Variants in CHD6 observed in about 807,000 individuals in gnomAD.
CHD6 encodes the protein chromodomain helicase DNA binding protein 6.
Under a neutral mutation model 276.9 loss-of-function variants are expected in CHD6, and 50 were observed. The observed-to-expected ratio is 0.18, with a 90% CI of 0.14 to 0.23. The LOEUF is 0.23. Ranked by LOEUF, CHD6 falls within the 10% of genes least tolerant of loss-of-function variation. The pLI, the probability that CHD6 is intolerant of heterozygous loss-of-function variation, is 1.00. For synonymous variants in CHD6, 1,173 were observed against 1,229.3 expected, an observed-to-expected ratio of 0.95 and a Z score of 0.96; for missense variants, 2,564 against 3,365.8, an observed-to-expected ratio of 0.76 and a Z score of 5.89.
intron 18 of CHD6, 122 bp from the exon 19 acceptor site, chr20:41,456,101 C>G: frequency 1.1e-6 from 1 of 912,176 alleles, no homozygotes; most frequent in Non-Finnish European, 1.6e-6. Context: ...GAACAAAGGA[C>G]GTGGGCAACA....
intron 24 of CHD6, among the ~76,000 whole-genome samples, chr20:41,446,750 T>G (rs2048081678): frequency 6.6e-6 from 1 of 152,170 alleles, no homozygotes; most frequent in East Asian, 1.9e-4. Flanking sequence ...TGAACTGCTG[T>G]TCATGCCTCA....
chr20:41,423,071 C>T (rs1477477137), intron 30 of CHD6, among the ~76,000 whole-genome samples: 4 of 152,192 alleles, frequency 2.6e-5, no homozygotes, highest in Admixed American at 6.5e-5. Flanking sequence ...ATTTAAATGA[C>T]AGCCACTTAC....
chr20:41,408,094 C>A (rs1361741783), intron 36 of CHD6, among the ~76,000 whole-genome samples: 1 of 152,076 alleles, frequency 6.6e-6, no homozygotes, highest in African/African-American at 2.4e-5. Flanking sequence ...AAACCCAGTT[C>A]ATCATAGACA....
chr20:41,598,765 T>C (rs1329288301), intron 1 of CHD6, among the ~76,000 whole-genome samples: 2 of 152,214 alleles, frequency 1.3e-5, no homozygotes, highest in African/African-American at 4.8e-5. Context: ...TAAGCCTTTC[T>C]AGGAGCTAAC....
chr20:41,574,885 T>C (rs1222307314), intron 1 of CHD6, among the ~76,000 whole-genome samples: 1 of 152,098 alleles, frequency 6.6e-6, no homozygotes, highest in Non-Finnish European at 1.5e-5. Context: ...ACCCCAACTT[T>C]CCATACAAAC....
intron 1 of CHD6, among the ~76,000 whole-genome samples, chr20:41,617,269 G>A (rs966531996): frequency 6.6e-6 from 1 of 152,006 alleles, no homozygotes; most frequent in Non-Finnish European, 1.5e-5. Flanking sequence ...ACCCTAATTT[G>A]GAGAACAGGG....
chr20:41,404,702 C>A lies in CHD6; in HGVS notation c.8039G>T (p.Ser2680Ile). 6.3e-7 allele frequency: 1 copy of A among 1,596,508 alleles called. No individual in the cohort carries two copies. The highest frequency in any genetic ancestry group is 8.5e-7 in the Non-Finnish European group (1 of 1,171,296). ...EPAPSCEREP[S>I]GDENCAEPSA... ...GGGTTCGGCACAGTTCTCATCACCG[C>A]TGGGCTCCCTTTCACAGCTGGGAGC... The change falls in exon 37 of 37, where the codon AGC (serine) becomes ATC (isoleucine). Residue 2680 changes from serine (S) to isoleucine (I), a missense_variant. This residue lies in a region of CHD6 where 238 missense variants were observed against 266.0 expected (regional missense o/e 0.89). Transcript: ENST00000373233.
chr20:41,479,075 T>C (rs1449860950), intron 16 of CHD6, among the ~76,000 whole-genome samples: 1 of 151,894 alleles, frequency 6.6e-6, no homozygotes, highest in Non-Finnish European at 1.5e-5. Context: ...AAATAAAGCA[T>C]AGAGTGTGCT....
chr20:41,558,218 T>A (rs948673193), intron 1 of CHD6, among the ~76,000 whole-genome samples: 6 of 152,146 alleles, frequency 3.9e-5, no homozygotes, highest in Non-Finnish European at 8.8e-5. Context: ...GTGTGAGCAG[T>A]CTACAGGAGG....
intron 5 of CHD6, among the ~76,000 whole-genome samples, chr20:41,509,421 G>T (rs1307612359): frequency 6.6e-6 from 1 of 152,116 alleles, no homozygotes; most frequent in Non-Finnish European, 1.5e-5. Context: ...GGTGTTCGAA[G>T]GACAATGACA....
chr20:41,607,277 T>C (rs1248226760), intron 1 of CHD6, among the ~76,000 whole-genome samples: 1 of 152,212 alleles, frequency 6.6e-6, no homozygotes, highest in African/African-American at 2.4e-5. Context: ...AGCCTTAACC[T>C]ACTCCCCTGG....
chr20:41,460,176 A>G (rs1169546758), intron 17 of CHD6, among the ~76,000 whole-genome samples: 2 of 152,260 alleles, frequency 1.3e-5, no homozygotes, highest in Admixed American at 1.3e-4. Flanking sequence ...ATTTCTAAGC[A>G]GCAAAGCATT....
At chr20:41,462,854 C>T (rs1224554391) in intron 17 of CHD6, among the ~76,000 whole-genome samples, 1 of 152,062 alleles carries the variant, frequency 6.6e-6, no homozygotes, top group African/African-American at 2.4e-5. Flanking sequence ...ACTGAGAGGG[C>T]CTAGAAGAAA....
chr20:41,496,029 A>C (rs187359514), intron 8 of CHD6, among the ~76,000 whole-genome samples: 1 of 152,314 alleles, frequency 6.6e-6, no homozygotes, highest in African/African-American at 2.4e-5. Flanking sequence ...AGCTGCCCTC[A>C]GGTTTTGCAA....
In CHD6 at chr20:41,405,364, G is replaced by C; in HGVS notation, c.7377C>G (p.Asp2459Glu). The part of the protein sequence containing the change: ...ELLKAPSIVA[D>E]SPSGMGPLFM... ...ACAGTGGCCCCATTCCAGAGGGAGA[G>C]TCTGCCACAATGGAAGGAGCCTTCA... Residue 2459 changes from aspartate to glutamate, a missense_variant, in exon 37 of 37, where the codon GAC becomes GAG. Asp to Glu is a conservative substitution (Grantham distance 45, BLOSUM62 2). Transcript: ENST00000373233. 2 of 1,614,232 alleles carry C rather than the reference G, an allele frequency of 1.2e-6. No homozygotes were observed. Among genetic ancestry groups the C allele is most frequent in the Non-Finnish European group, 1.7e-6 (2 of 1,180,048 alleles).
In CHD6 at chr20:41,534,246, G is replaced by C. The variant is rs376942673; in HGVS notation, c.34-676C>G. On this transcript the variant is annotated intron_variant, in intron 2 of 36. Transcript: ENST00000373233. Reference sequence around the variant, plus strand: ...GAAATAACTTAAGAAGAGCCTGGGAGGGACAAGCAGGCTTTCTAAGAAGAC... The same window carrying C: ...GAAATAACTTAAGAAGAGCCTGGGACGGACAAGCAGGCTTTCTAAGAAGAC... 5.3e-5 allele frequency among the ~76,000 whole-genome samples: 8 copies of C among 152,212 alleles called. No homozygotes were observed. In the East Asian group the frequency reaches 9.6e-4, roughly 18 times the overall value.
rs185539082 is a variant in CHD6 at position 41,428,882 on chromosome 20, T to C, written c.4069-2729A>G. 6.4e-4 allele frequency among the ~76,000 whole-genome samples: 97 copies of C among 152,304 alleles called. 2 individuals are homozygous for C. The highest frequency in any genetic ancestry group is 5.7e-3 in the Admixed American group (87 of 15,308). On this transcript the variant is annotated intron_variant, in intron 27 of 36. Coordinates refer to ENST00000373233, the MANE Select transcript of CHD6 (RefSeq NM_032221.5). ...ATAATGCCTAACAGATGGGGAAATA[T>C]GCTTTGTAAGTGTGAAAGTATACAC... is the stretch of plus-strand genomic sequence containing the variant.
intron 2 of CHD6, among the ~76,000 whole-genome samples, chr20:41,543,090 G>A (rs1226559809): frequency 7.0e-6 from 1 of 142,270 alleles, no homozygotes. Flanking sequence ...GTGACAGAGT[G>A]AGACTCTGTC....
chr20:41,484,685 A>C (rs756360170), intron 14 of CHD6, 78 bp from the exon 15 acceptor site: 11 of 1,471,480 alleles, frequency 7.5e-6, no homozygotes, highest in Non-Finnish European at 1.0e-5. Flanking sequence ...CCTTCACTCT[A>C]ATTTCTTGAA....
Sources: gnomAD v4.1 joint callset for allele counts (sites outside exome capture counted in the v4.1 genomes callset) on GRCh38, gnomAD v4.1.1 for gene constraint, gnomAD v4.1.1 regional missense constraint, MANE v1.5 for transcripts, NCBI Gene and HGNC (gene_info 2026-07-23, HGNC 2026-07-21) for gene names.